The following CC2D2A variants were observed in gnomAD, a reference collection of about 807,000 sequenced individuals.
CC2D2A encodes coiled-coil and C2 domain containing 2A, also known as coiled-coil and C2 domain-containing protein 2A.
A neutral mutation model predicts 212.9 loss-of-function variants in CC2D2A; 155 were observed. The observed-to-expected ratio is 0.73, with a 90% confidence interval of 0.64 to 0.83. CC2D2A has a LOEUF of 0.83. Ranked by LOEUF, CC2D2A falls within the 40% of genes least tolerant of loss-of-function variation. The pLI, the probability that CC2D2A is intolerant of heterozygous loss-of-function variation, is 0.00. For missense variants in CC2D2A, 1,856 were observed against 1,956.2 expected, an observed-to-expected ratio of 0.95 and a Z score of 0.97; for synonymous variants, 667 against 686.5, an observed-to-expected ratio of 0.97 and a Z score of 0.44.
chr4:15,533,237 C>A lies in CC2D2A; in HGVS notation c.1511C>A (p.Thr504Lys). Residue 504 changes from threonine to lysine, a missense_variant, in exon 14 of 37, where the codon ACA becomes AAA. This residue lies in a region of CC2D2A where 1,512 missense variants were observed against 1,579.3 expected (regional missense o/e 0.96). Transcript: ENST00000424120. ...FRDAEQEKDR[T>K]LLKTIIKVWK... ...GATGCTGAACAAGAAAAAGATAGAA[C>A]ATTGCTTAAGACTATCATAAAAGTT... is the stretch of plus-strand genomic sequence containing the variant. 1 of 1,596,274 alleles carries A rather than the reference C, an allele frequency of 6.3e-7. No homozygotes were observed. The highest frequency in any genetic ancestry group is 8.5e-7 in the Non-Finnish European group (1 of 1,174,602).
chr4:15,596,711 A>C (rs2148493881), intron 34 of CC2D2A, among the ~76,000 whole-genome samples: 1 of 152,306 alleles, frequency 6.6e-6, no homozygotes, highest in East Asian at 1.9e-4. Flanking sequence ...CTCCGGATCT[A>C]CCTTTCAGAA....
At chr4:15,498,026 T>C (rs1458724853) in intron 4 of CC2D2A, among the ~76,000 whole-genome samples, 1 of 152,188 alleles carries the variant, frequency 6.6e-6, no homozygotes, top group African/African-American at 2.4e-5. Context: ...GGGTCAGGTA[T>C]AACAGAAGTC....
intron 6 of CC2D2A, among the ~76,000 whole-genome samples, chr4:15,507,246 G>C (rs1159264934): frequency 6.6e-6 from 1 of 152,178 alleles, no homozygotes; most frequent in Non-Finnish European, 1.5e-5. Context: ...TGAGTTGGTA[G>C]ATAACTATTT....
chr4:15,524,447 A>ATTTTTTTTT (rs71179636), intron 11 of CC2D2A, among the ~76,000 whole-genome samples: 29 of 89,976 alleles, frequency 3.2e-4, no homozygotes, highest in East Asian at 2.4e-3. Context: ...AAAATTTTTA[A>ATTTTTTTTT]TTTTTTTTTT....
At chr4:15,576,961 G>A (rs1471964888) in intron 29 of CC2D2A, among the ~76,000 whole-genome samples, 1 of 152,172 alleles carries the variant, frequency 6.6e-6, no homozygotes, top group Non-Finnish European at 1.5e-5. Flanking sequence ...TTTCTGGTGG[G>A]TTGGGGCTGT....
At chr4:15,481,350 A>G in intron 4 of CC2D2A, 1 of 367,522 alleles carries the variant, frequency 2.7e-6, no homozygotes, top group South Asian at 2.0e-5. Flanking sequence ...CTCTACTAAA[A>G]ATACAAAAAA....
chr4:15,584,655 A>G (rs1720787706), intron 30 of CC2D2A, among the ~76,000 whole-genome samples: 1 of 152,230 alleles, frequency 6.6e-6, no homozygotes, highest in Non-Finnish European at 1.5e-5. Flanking sequence ...ATGAGATTAC[A>G]TCAATCTAAA....
chr4:15,545,979 A>G (rs1718689942), intron 17 of CC2D2A, among the ~76,000 whole-genome samples: 5 of 152,070 alleles, frequency 3.3e-5, no homozygotes, highest in Non-Finnish European at 5.9e-5. Flanking sequence ...GCATGGTGGT[A>G]CATACCTCTA....
rs1460942877 is a variant in CC2D2A at position 15,538,071 on chromosome 4, G to C, written c.1937G>C (p.Trp646Ser). 2.5e-6 allele frequency: 4 copies of C among 1,607,136 alleles called. No homozygotes were observed. The highest frequency in any genetic ancestry group is 3.4e-6 in the Non-Finnish European group (4 of 1,177,004). Reference sequence around the variant, plus strand: ...GCAGCCCAGAGCAGGAGGAGGCCTTGGGAGCCCACGCTGGTCCCGGAGCTA... The same window carrying C: ...GCAGCCCAGAGCAGGAGGAGGCCTTCGGAGCCCACGCTGGTCCCGGAGCTA... ...ERAAQSRRRP[W>S]EPTLVPELSL... The change falls in exon 16 of 37, where the codon TGG becomes TCG. Residue 646 changes from tryptophan (W) to serine (S), a missense_variant. Physicochemically the swap from Trp to Ser is radical, Grantham distance 177. Coordinates refer to ENST00000424120, the MANE Select transcript of CC2D2A (RefSeq NM_001378615.1).
Position 15,601,314 on chromosome 4 carries a change from T to C in CC2D2A, c.4752T>C (p.His1584=), listed in dbSNP as rs1417736093. ...ACGCTGTGTATAGTACTGGAGTACATAATATTGATGTTCCTAATGTTGAAT... is the reference window on the plus strand; with the variant it reads ...ACGCTGTGTATAGTACTGGAGTACACAATATTGATGTTCCTAATGTTGAAT... ...LIDAVYSTGV[H]NIDVPNVEFA... The change falls in exon 37 of 37, where the codon CAT becomes CAC. Residue 1584 remains histidine, a synonymous_variant. Coordinates refer to ENST00000424120, the MANE Select transcript of CC2D2A (RefSeq NM_001378615.1). 6.8e-6 allele frequency: 11 copies of C among 1,611,596 alleles called. No individual in the cohort carries two copies. Among genetic ancestry groups the C allele is most frequent in the Non-Finnish European group, 9.3e-6 (11 of 1,178,502 alleles).
chr4:15,480,184 C>G (rs1207328917), intron 3 of CC2D2A, among the ~76,000 whole-genome samples: 3 of 152,206 alleles, frequency 2.0e-5, no homozygotes, highest in Admixed American at 2.0e-4. Context: ...CAAAGTCCCA[C>G]AGTCAGTCTG....
chr4:15,471,966 T>C lies in CC2D2A; in HGVS notation c.-19+1909T>C, dbSNP rs532024035. ...ATCTGGTTTTCTGCACTGAGTAAAATAAATCATTGGCTTAATGTAGCCTAA... is the reference window on the plus strand; with the variant it reads ...ATCTGGTTTTCTGCACTGAGTAAAACAAATCATTGGCTTAATGTAGCCTAA... On this transcript the variant is annotated intron_variant, in intron 1 of 36. Coordinates refer to ENST00000424120, the MANE Select transcript of CC2D2A (RefSeq NM_001378615.1). Among the ~76,000 whole-genome samples, 11 of 152,292 alleles carry C rather than the reference T, an allele frequency of 7.2e-5. No individual in the cohort carries two copies. In the South Asian group the frequency reaches 2.3e-3, roughly 32 times the overall value.
In CC2D2A at chr4:15,563,341, TC is replaced by T. The variant is rs755079586; in HGVS notation, c.3015-13del. On this transcript the variant is annotated splice_polypyrimidine_tract_variant and intron_variant, in intron 23 of 36. Coordinates refer to ENST00000424120, the MANE Select transcript of CC2D2A (RefSeq NM_001378615.1). ...CTTTTTCTTAGAGTCCTGATCCTGT[TC>T]TGTAATCATTAGCATTTTGGGCCTA... The T allele has an allele frequency of 1.3e-6, 2 of 1,589,454 alleles. No homozygotes were observed. The highest frequency in any genetic ancestry group is 1.7e-6 in the Non-Finnish European group (2 of 1,167,296).
chr4:15,501,498 T>C (rs919051049), intron 4 of CC2D2A, among the ~76,000 whole-genome samples: 8 of 152,172 alleles, frequency 5.3e-5, no homozygotes, highest in African/African-American at 1.9e-4. Flanking sequence ...CTCCTTAATG[T>C]GACATCAGAG....
chr4:15,599,234 C>G (rs529823697), intron 35 of CC2D2A, among the ~76,000 whole-genome samples: 21 of 152,234 alleles, frequency 1.4e-4, no homozygotes, highest in African/African-American at 4.3e-4. Flanking sequence ...TCAGTACTCC[C>G]TCTTCTGTGT....
chr4:15,546,928 C>G (rs1718740802), intron 17 of CC2D2A, among the ~76,000 whole-genome samples: 1 of 152,042 alleles, frequency 6.6e-6, no homozygotes, highest in South Asian at 2.1e-4. Context: ...TACTAAGTGT[C>G]TACTGCAGGA....
chr4:15,528,717 C>T lies in CC2D2A; in HGVS notation c.1457C>T (p.Ser486Phe). The change falls in exon 13 of 37, where the codon TCT (serine) becomes TTT (phenylalanine). Residue 486 changes from serine (S) to phenylalanine (F), a missense_variant. Transcript: ENST00000424120. ...TIQKTINEYKSEIRQTRKFRD... is the reference protein window; with the variant it reads ...TIQKTINEYKFEIRQTRKFRD... ...CAAAAAACCATCAATGAGTATAAATCTGAAATTCGGTGAGTAAAGTTTGTT... is the reference window on the plus strand; with the variant it reads ...CAAAAAACCATCAATGAGTATAAATTTGAAATTCGGTGAGTAAAGTTTGTT... 6.2e-7 allele frequency: 1 copy of T among 1,602,024 alleles called. No homozygotes were observed. The highest frequency in any genetic ancestry group is 2.2e-5 in the East Asian group (1 of 44,636).
chr4:15,556,563 C>T (rs41417147), intron 20 of CC2D2A, among the ~76,000 whole-genome samples: 20,576 of 152,228 alleles, frequency 0.14, 1,479 homozygotes, highest in Non-Finnish European at 0.15. Context: ...GCCTTCTTGA[C>T]TGGTCTCTTG....
chr4:15,598,969 G>A (rs1025753318), intron 35 of CC2D2A, among the ~76,000 whole-genome samples: 6 of 152,040 alleles, frequency 3.9e-5, no homozygotes, highest in Non-Finnish European at 8.8e-5. Context: ...AGACCAGCCT[G>A]GGCAACATAG....
Sources: gnomAD v4.1 joint callset for allele counts (sites outside exome capture counted in the v4.1 genomes callset) on GRCh38, gnomAD v4.1.1 for gene constraint, gnomAD v4.1.1 regional missense constraint, MANE v1.5 for transcripts, NCBI Gene and HGNC (gene_info 2026-07-23, HGNC 2026-07-21) for gene names.